The following NCK1 variants were observed in gnomAD, a reference collection of about 807,000 sequenced individuals.
The protein encoded by NCK1 is NCK adaptor protein 1, also known as SH2/SH3 adapter protein NCK1.
In NCK1, 19 loss-of-function variants were observed where a neutral mutation model predicts 36.6. That is an observed-to-expected ratio of 0.52 (90% confidence interval 0.36 to 0.76). The LOEUF is 0.76. Ranked by LOEUF, NCK1 falls within the 30% of genes least tolerant of loss-of-function variation. NCK1 has a pLI of 0.00. For synonymous variants in NCK1, 165 were observed against 156.0 expected (o/e 1.06, Z -0.43); for missense variants, 358 against 445.6 (o/e 0.80, Z 1.77).
chr3:136,918,509 G>T (rs1381104300), intron 1 of NCK1, among the ~76,000 whole-genome samples: 1 of 152,164 alleles, frequency 6.6e-6, no homozygotes, highest in Admixed American at 6.5e-5. Flanking sequence ...TCATATAAGA[G>T]ACTTGAGCAT....
intron 1 of NCK1, among the ~76,000 whole-genome samples, chr3:136,902,997 T>G (rs1407237367): frequency 6.7e-6 from 1 of 150,238 alleles, no homozygotes; most frequent in East Asian, 2.0e-4. Context: ...CCAGTGTGGC[T>G]TTCTTAATTT....
At chr3:136,920,167 GA>G (rs1051461680) in intron 1 of NCK1, among the ~76,000 whole-genome samples, 1 of 152,044 alleles carries the variant, frequency 6.6e-6, no homozygotes, top group African/African-American at 2.4e-5. Flanking sequence ...AACAACTAAT[GA>G]AACAGATCCC....
At chr3:136,877,089 G>T (rs1409179589) in intron 1 of NCK1, among the ~76,000 whole-genome samples, 1 of 152,120 alleles carries the variant, frequency 6.6e-6, no homozygotes, top group Non-Finnish European at 1.5e-5. Flanking sequence ...ATTTCAGCTT[G>T]CCTCTCTGAG....
chr3:136,910,721 T>C (rs1200240587), intron 1 of NCK1, among the ~76,000 whole-genome samples: 3 of 152,246 alleles, frequency 2.0e-5, no homozygotes, highest in Non-Finnish European at 4.4e-5. Flanking sequence ...GTATACAATG[T>C]GAAATGATTA....
intron 1 of NCK1, among the ~76,000 whole-genome samples, chr3:136,909,280 G>A (rs1239726967): frequency 6.6e-6 from 1 of 152,180 alleles, no homozygotes; most frequent in African/African-American, 2.4e-5. Flanking sequence ...ATGGTGCAAA[G>A]AAAATATGTG....
chr3:136,931,281 A>T (rs1940384184), intron 2 of NCK1, among the ~76,000 whole-genome samples: 1 of 152,312 alleles, frequency 6.6e-6, no homozygotes, highest in Admixed American at 6.5e-5. Context: ...TTATGATCTT[A>T]TAGTGAACTT....
At chr3:136,867,695 C>G (rs1411423828) in intron 1 of NCK1, among the ~76,000 whole-genome samples, 1 of 152,016 alleles carries the variant, frequency 6.6e-6, no homozygotes, top group African/African-American at 2.4e-5. Flanking sequence ...AACTGAAATA[C>G]AAATAGACTA....
At chr3:136,898,716 A>G (rs1303265300) in intron 1 of NCK1, among the ~76,000 whole-genome samples, 1 of 152,216 alleles carries the variant, frequency 6.6e-6, no homozygotes, top group African/African-American at 2.4e-5. Context: ...GCGAGATAAA[A>G]CTGAACGGTT....
chr3:136,943,824 G>T (rs747576826), intron 2 of NCK1, among the ~76,000 whole-genome samples: 1 of 152,132 alleles, frequency 6.6e-6, no homozygotes, highest in Non-Finnish European at 1.5e-5. Context: ...AGGTAAACAA[G>T]AATATGTAAA....
intron 2 of NCK1, chr3:136,928,516 G>A (rs1940306331): frequency 2.9e-6 from 1 of 347,506 alleles, no homozygotes; most frequent in South Asian, 5.0e-5. Flanking sequence ...AATCACTGTT[G>A]GAGTTTAGAC....
chr3:136,925,906 T>A (rs1940224727), intron 1 of NCK1, among the ~76,000 whole-genome samples: 1 of 152,210 alleles, frequency 6.6e-6, no homozygotes, highest in Non-Finnish European at 1.5e-5. Context: ...TGAGAAACTG[T>A]CAGACAATTT....
At chr3:136,916,329 A>G (rs16844241) in intron 1 of NCK1, among the ~76,000 whole-genome samples, 30,537 of 152,116 alleles carry the variant, frequency 0.2, 3,223 homozygotes, top group Middle Eastern at 0.24. Context: ...AAATGTTATG[A>G]TTAGTCATAA....
At chr3:136,934,202 T>C (rs1940464926) in intron 2 of NCK1, among the ~76,000 whole-genome samples, 2 of 152,134 alleles carry the variant, frequency 1.3e-5, no homozygotes, top group South Asian at 4.1e-4. Context: ...AGGTTTTTTT[T>C]TTTAACTTTT....
chr3:136,930,739 G>T (rs1940369582), intron 2 of NCK1: 1 of 591,142 alleles, frequency 1.7e-6, no homozygotes, highest in African/African-American at 1.9e-5. Context: ...CCAAATGATT[G>T]GTGATATATC....
chr3:136,876,011 G>A (rs897322345), intron 1 of NCK1, among the ~76,000 whole-genome samples: 1 of 151,724 alleles, frequency 6.6e-6, no homozygotes, highest in Non-Finnish European at 1.5e-5. Flanking sequence ...ACTCAAAACC[G>A]CTCAACTACA....
At chr3:136,930,045 TG>T (rs889371192) in intron 2 of NCK1, among the ~76,000 whole-genome samples, 4 of 152,282 alleles carry the variant, frequency 2.6e-5, no homozygotes, top group African/African-American at 9.6e-5. Context: ...TTGGAAACAT[TG>T]TTTTGAGTTA....
At chr3:136,885,365 T>A (rs1408953689) in intron 1 of NCK1, among the ~76,000 whole-genome samples, 1 of 152,202 alleles carries the variant, frequency 6.6e-6, no homozygotes, top group Non-Finnish European at 1.5e-5. Flanking sequence ...TTAACTTTTT[T>A]GAGACAGGGT....
At chr3:136,869,505 A>T (rs1052571766) in intron 1 of NCK1, among the ~76,000 whole-genome samples, 2 of 152,234 alleles carry the variant, frequency 1.3e-5, no homozygotes, top group Admixed American at 6.5e-5. Context: ...AGATCCCGCC[A>T]CTGCACTTTA....
intron 1 of NCK1, among the ~76,000 whole-genome samples, chr3:136,896,758 C>T (rs113179802): frequency 3.3e-5 from 5 of 152,286 alleles, no homozygotes; most frequent in African/African-American, 9.6e-5. Flanking sequence ...GCCTCGGCCT[C>T]CCAGAGTGCT....
Sources: gnomAD v4.1 joint callset for allele counts (sites outside exome capture counted in the v4.1 genomes callset) on GRCh38, gnomAD v4.1.1 for gene constraint, MANE v1.5 for transcripts, NCBI Gene and HGNC (gene_info 2026-07-23, HGNC 2026-07-21) for gene names.